The following WHRN variants were observed in gnomAD, a reference collection of about 807,000 sequenced individuals.
WHRN encodes the protein CASK-interacting protein CIP98.
Under a neutral mutation model 68.3 loss-of-function variants are expected in WHRN, and 41 were observed. The observed-to-expected ratio is 0.60, with a 90% CI of 0.47 to 0.78. The LOEUF (loss-of-function observed/expected upper bound fraction) is 0.78, where lower values mean the gene tolerates loss of function less well. WHRN is among the 30% of genes least tolerant of loss of function. The pLI is 0.00. For synonymous variants in WHRN, 560 were observed against 561.3 expected, an observed-to-expected ratio of 1.00 and a Z score of 0.03; for missense variants, 1,243 against 1,244.7, an observed-to-expected ratio of 1.00 and a Z score of 0.02.
At position 114,402,855 on chromosome 9, in the gene WHRN, T is replaced by C; in HGVS notation, c.2623A>G (p.Lys875Glu). ...LEVNGLTLRG[K>E]EHREAARIIA... ...ATGCGGGCGGCCTCCCGGTGCTCCT[T>C]GCCCCGAAGCGTCAGCCCATTCACT... The change falls in exon 12 of 12, where the codon AAG becomes GAG. Residue 875 changes from lysine to glutamate, a missense_variant. Physicochemically the swap from Lys to Glu is moderately conservative, Grantham distance 56. Coordinates refer to ENST00000362057, the MANE Select transcript of WHRN (RefSeq NM_015404.4). The C allele has an allele frequency of 6.2e-7, 1 of 1,614,086 alleles. No homozygotes were observed. Among genetic ancestry groups the C allele is most frequent in the Non-Finnish European group, 8.5e-7 (1 of 1,180,026 alleles).
chr9:114,431,807 C>A (rs1026250829), intron 3 of WHRN, among the ~76,000 whole-genome samples: 1 of 152,134 alleles, frequency 6.6e-6, no homozygotes, highest in Non-Finnish European at 1.5e-5. Flanking sequence ...CCTTCCAAGG[C>A]GTCTCTTATA....
intron 1 of WHRN, among the ~76,000 whole-genome samples, chr9:114,497,150 C>G (rs1202984578): frequency 1.3e-5 from 2 of 152,176 alleles, no homozygotes. Flanking sequence ...TTCCCTGCAG[C>G]CTACAGCTTT....
intron 3 of WHRN, among the ~76,000 whole-genome samples, chr9:114,433,832 T>C (rs1837617504): frequency 6.6e-6 from 1 of 152,222 alleles, no homozygotes; most frequent in South Asian, 2.1e-4. Context: ...AGAAATGCTG[T>C]GGATGGACCC....
chr9:114,429,179 G>A (rs983318249), intron 3 of WHRN, among the ~76,000 whole-genome samples: 4 of 152,202 alleles, frequency 2.6e-5, no homozygotes, highest in African/African-American at 9.7e-5. Flanking sequence ...GATCCACGCG[G>A]CTTGGCCTCC....
intron 2 of WHRN, among the ~76,000 whole-genome samples, chr9:114,475,593 T>G (rs986227375): frequency 2.6e-5 from 4 of 152,200 alleles, no homozygotes; most frequent in Non-Finnish European, 5.9e-5. Flanking sequence ...ACTATTGCCC[T>G]GAGAACCCAC....
intron 3 of WHRN, among the ~76,000 whole-genome samples, chr9:114,452,916 G>A (rs1187218827): frequency 1.3e-5 from 2 of 151,374 alleles, no homozygotes; most frequent in Non-Finnish European, 1.5e-5. Context: ...ATAGAGCCCC[G>A]TTGCCATCAG....
At chr9:114,423,164 T>C (rs1836466126) in intron 7 of WHRN, 150 bp downstream of exon 7, 3 of 830,550 alleles carry the variant, frequency 3.6e-6, no homozygotes, top group Non-Finnish European at 6.0e-6. Flanking sequence ...ATTAGGTTTT[T>C]ACAGAGGAAG....
chr9:114,503,006 T>C, intron 1 of WHRN: 1 of 474,392 alleles, frequency 2.1e-6, no homozygotes, highest in Non-Finnish European at 2.8e-6. Context: ...AAGAAGTTTC[T>C]GAAAGCCTCA....
At chr9:114,439,652 A>G (rs1318397347) in intron 3 of WHRN, among the ~76,000 whole-genome samples, 1 of 152,238 alleles carries the variant, frequency 6.6e-6, no homozygotes, top group African/African-American at 2.4e-5. Context: ...ATGTGTGTAC[A>G]CACATGTATG....
intron 1 of WHRN, among the ~76,000 whole-genome samples, chr9:114,480,078 A>C (rs920275803): frequency 1.0e-4 from 15 of 150,600 alleles, no homozygotes; most frequent in African/African-American, 3.7e-4. Context: ...AATAGTAATA[A>C]TTAATTAAAA....
At chr9:114,471,422 G>C (rs1354754657) in intron 2 of WHRN, among the ~76,000 whole-genome samples, 3 of 152,102 alleles carry the variant, frequency 2.0e-5, no homozygotes, top group African/African-American at 7.2e-5. Context: ...CCAGCCACTT[G>C]GCTTGCCTGC....
Position 114,424,477 on chromosome 9 carries a change from G to C in WHRN, c.1273C>G (p.Leu425Val). The part of the protein sequence containing the change: ...LSSLGNQTRV[L>V]LEEQARHLLN... ...AGGTGCCGAGCCTGCTCCTCCAGCAGCACTCGTGTCTGGTTCCCCAGGCTG... is the reference window on the plus strand; with the variant it reads ...AGGTGCCGAGCCTGCTCCTCCAGCACCACTCGTGTCTGGTTCCCCAGGCTG... Residue 425 changes from leucine (L) to valine (V), a missense_variant, in exon 6 of 12, where the codon CTG becomes GTG. Transcript: ENST00000362057. The C allele has an allele frequency of 6.2e-7, 1 of 1,614,054 alleles. No individual in the cohort carries two copies. The highest frequency in any genetic ancestry group is 1.1e-5 in the South Asian group (1 of 91,076).
chr9:114,470,708 C>A (rs562180590), intron 2 of WHRN, among the ~76,000 whole-genome samples: 5 of 152,248 alleles, frequency 3.3e-5, no homozygotes, highest in South Asian at 4.1e-4. Context: ...CCTGGCAGAG[C>A]CCCCACTCCA....
At chr9:114,460,088 G>T (rs1196396178) in intron 3 of WHRN, among the ~76,000 whole-genome samples, 2 of 152,234 alleles carry the variant, frequency 1.3e-5, no homozygotes, top group Non-Finnish European at 2.9e-5. Context: ...AGGTGTGGAG[G>T]CCGTGGGCCA....
rs887374082 is a variant in WHRN, at chr9:114,444,572, T to C, written c.964-18159A>G. Among the ~76,000 whole-genome samples, 11 of 152,212 alleles carry C rather than the reference T, an allele frequency of 7.2e-5. No individual in the cohort carries two copies. The South Asian group carries it at 1.9e-3, about 26-fold the overall frequency. On this transcript the variant is annotated intron_variant, in intron 3 of 11. Transcript: ENST00000362057. ...ATCTCCCCTCCGAAACCCCCTTCTCTTAAAAACGCATCTCCATTCCTGAAA... is the reference window on the plus strand; with the variant it reads ...ATCTCCCCTCCGAAACCCCCTTCTCCTAAAAACGCATCTCCATTCCTGAAA...
chr9:114,482,940 T>TG (rs998109127), intron 1 of WHRN, among the ~76,000 whole-genome samples: 53 of 151,962 alleles, frequency 3.5e-4, no homozygotes, highest in African/African-American at 1.3e-3. Flanking sequence ...AGCCCCAAGA[T>TG]GGGAAGGGAA....
intron 3 of WHRN, among the ~76,000 whole-genome samples, chr9:114,462,487 G>A (rs1298923952): frequency 6.6e-6 from 1 of 152,176 alleles, no homozygotes; most frequent in Non-Finnish European, 1.5e-5. Context: ...GGTCAGTGGA[G>A]GCCCCAGGGC....
chr9:114,491,801 C>A (rs1206099612), intron 1 of WHRN: 3 of 265,948 alleles, frequency 1.1e-5, no homozygotes, highest in Admixed American at 1.0e-4. Context: ...GCCAGTCCCA[C>A]CATGCCCACG....
At chr9:114,456,661 T>G (rs1024232072) in intron 3 of WHRN, among the ~76,000 whole-genome samples, 1 of 151,860 alleles carries the variant, frequency 6.6e-6, no homozygotes, top group Admixed American at 6.6e-5. Flanking sequence ...GACCCAGTCT[T>G]TACTAAAAAT....
Sources: gnomAD v4.1 joint callset for allele counts (sites outside exome capture counted in the v4.1 genomes callset) on GRCh38, gnomAD v4.1.1 for gene constraint, MANE v1.5 for transcripts, NCBI Gene and HGNC (gene_info 2026-07-23, HGNC 2026-07-21) for gene names.